ATF7IP: variants seen among roughly 807,000 people sequenced by gnomAD.
ATF7IP encodes activating transcription factor 7 interacting protein.
ATF7IP carries 23 observed loss-of-function variants against 106.4 expected under a neutral mutation model. The ratio of observed to expected loss-of-function variants is 0.22; its 90% confidence interval spans 0.16 to 0.31. The LOEUF (loss-of-function observed/expected upper bound fraction) is 0.31, where lower values mean the gene tolerates loss of function less well. Among genes scored for constraint, ATF7IP ranks in the 10% least tolerant of loss-of-function variants. The pLI, the probability that ATF7IP is intolerant of heterozygous loss-of-function variation, is 1.00. For synonymous variants in ATF7IP, 542 were observed against 539.0 expected (o/e 1.01, Z -0.08); for missense variants, 1,334 against 1,524.3 (o/e 0.88, Z 2.08).
At chr12:14,401,016 A>C (rs1013782530) in intron 1 of ATF7IP, among the ~76,000 whole-genome samples, 1 of 151,964 alleles carries the variant, frequency 6.6e-6, no homozygotes, top group Non-Finnish European at 1.5e-5. Context: ...TACTAATCCT[A>C]TATCACTATG....
At chr12:14,476,027 C>T (rs752481076) in intron 11 of ATF7IP, 59 bp downstream of exon 11, 39 of 1,209,654 alleles carry the variant, frequency 3.2e-5, no homozygotes, top group African/African-American at 1.3e-4. Context: ...TGTCTTAATA[C>T]GGTACAGTAT....
At chr12:14,407,879 T>C (rs1423924981) in intron 1 of ATF7IP, among the ~76,000 whole-genome samples, 2 of 152,124 alleles carry the variant, frequency 1.3e-5, no homozygotes, top group Non-Finnish European at 2.9e-5. Flanking sequence ...TCCTACCTTA[T>C]TTTGAAGTCT....
Position 14,438,162 on chromosome 12 carries a change from T to C in ATF7IP, c.1824T>C (p.Cys608=), listed in dbSNP as rs765421547. 24 of 1,612,974 alleles carry C rather than the reference T, an allele frequency of 1.5e-5. No individual in the cohort carries two copies. The highest frequency in any genetic ancestry group is 2.5e-6 in the Non-Finnish European group (3 of 1,179,898). The change falls in exon 5 of 15, where the codon TGT becomes TGC. Residue 608 remains cysteine, a synonymous_variant. Transcript: ENST00000261168. The part of the protein sequence containing the change: ...VIQWLLEEKL[C]ALQCAVFDKT... Reference sequence around the variant, plus strand: ...AGTGGTTGCTGGAAGAAAAATTGTGTGCGCTGCAGTGTGCTGTATTTGATA... The same window carrying C: ...AGTGGTTGCTGGAAGAAAAATTGTGCGCGCTGCAGTGTGCTGTATTTGATA...
intron 9 of ATF7IP, among the ~76,000 whole-genome samples, chr12:14,465,405 TC>T (rs1224886208): frequency 6.6e-6 from 1 of 151,928 alleles, no homozygotes; most frequent in East Asian, 1.9e-4. Flanking sequence ...TTTGGTAATA[TC>T]ACCTAGTGTA....
At chr12:14,433,583 T>C (rs1304564800) in intron 2 of ATF7IP, among the ~76,000 whole-genome samples, 1 of 149,218 alleles carries the variant, frequency 6.7e-6, no homozygotes, top group Admixed American at 6.6e-5. Flanking sequence ...GGCAGGAGAA[T>C]CACTTGAACC....
chr12:14,441,702 G>T (rs1419285822), intron 5 of ATF7IP, among the ~76,000 whole-genome samples: 1 of 151,928 alleles, frequency 6.6e-6, no homozygotes, highest in Non-Finnish European at 1.5e-5. Flanking sequence ...TGTTAGCCAG[G>T]ATGGTCTCCA....
intron 10 of ATF7IP, among the ~76,000 whole-genome samples, chr12:14,469,998 A>G (rs1344490406): frequency 6.6e-6 from 1 of 152,062 alleles, no homozygotes; most frequent in Admixed American, 6.6e-5. Context: ...GGCATTGGAA[A>G]CTCAGGATCC....
intron 1 of ATF7IP, among the ~76,000 whole-genome samples, chr12:14,370,187 C>T (rs916854123): frequency 1.4e-4 from 22 of 152,118 alleles, no homozygotes; most frequent in African/African-American, 4.8e-4. Context: ...CCGTCTGCCT[C>T]GGCCTACCAA....
At chr12:14,370,401 ATG>A (rs1404107561) in intron 1 of ATF7IP, among the ~76,000 whole-genome samples, 1 of 152,148 alleles carries the variant, frequency 6.6e-6, no homozygotes, top group East Asian at 1.9e-4. Context: ...CAATTTAAAT[ATG>A]TGTTTGTAGT....
In ATF7IP at chr12:14,502,788, T is replaced by TTGTG. The variant is rs148327000; in HGVS notation, c.*4726_*4729dup. Reference sequence around the variant, plus strand: ...CTATTTTTATTAGGGTTTTGAAGGTTTGTGTGTGTGTGTGCGTGCGTGTGT... The same window carrying TTGTG: ...CTATTTTTATTAGGGTTTTGAAGGTTTGTGTGTGTGTGTGTGTGCGTGCGTGTGT... On this transcript the variant is annotated 3_prime_UTR_variant, in exon 15 of 15. Coordinates refer to ENST00000261168, the MANE Select transcript of ATF7IP (RefSeq NM_018179.5). The TTGTG allele has an allele frequency of 6.6e-6, 1 of 151,520 alleles. No homozygotes were observed. Among genetic ancestry groups the TTGTG allele is most frequent in the Non-Finnish European group, 1.5e-5 (1 of 67,778 alleles). The allele number at this position is 151,520 out of a possible 1,614,324, so 9.4% of individuals were successfully genotyped here.
rs995084949 is a variant in ATF7IP, at chr12:14,461,198, CT to C, written c.2797+74del. On this transcript the variant is annotated intron_variant, in intron 9 of 14. Transcript: ENST00000261168. ...TCTTAATAGCCTTGTAATGATTGAACTTTTTTTTTCTAAGTGGCTAGCGTTA... is the reference window on the plus strand; with the variant it reads ...TCTTAATAGCCTTGTAATGATTGAACTTTTTTTTCTAAGTGGCTAGCGTTA... The C allele has an allele frequency of 6.4e-5, 91 of 1,416,834 alleles. 1 individual carries two copies. The highest frequency in any genetic ancestry group is 3.9e-4 in the Middle Eastern group (2 of 5,108). 87.8% of individuals were successfully genotyped at this position (1,416,834 alleles called of 1,614,324 possible).
chr12:14,439,336 T>C lies in ATF7IP; in HGVS notation c.1929+1069T>C, dbSNP rs182189820. Reference sequence around the variant, plus strand: ...CATGGAAGTCAAATCACTTTTTCCGTTACGAATAAAATTTTAGCTAAATAG... The same window carrying C: ...CATGGAAGTCAAATCACTTTTTCCGCTACGAATAAAATTTTAGCTAAATAG... On this transcript the variant is annotated intron_variant, in intron 5 of 14. Coordinates refer to ENST00000261168, the MANE Select transcript of ATF7IP (RefSeq NM_018179.5). Among the ~76,000 whole-genome samples the C allele has an allele frequency of 3.3e-5, 5 of 152,332 alleles. No individual in the cohort carries two copies. In the East Asian group the frequency reaches 9.6e-4, roughly 29 times the overall value.
chr12:14,494,817 C>T (rs923230031), intron 13 of ATF7IP, among the ~76,000 whole-genome samples: 6 of 151,006 alleles, frequency 4.0e-5, no homozygotes, highest in African/African-American at 1.5e-4. Context: ...CCTGTAATCT[C>T]ACCTACTTGG....
chr12:14,384,942 T>A (rs371403577), intron 1 of ATF7IP: 2 of 155,702 alleles, frequency 1.3e-5, no homozygotes, highest in African/African-American at 4.8e-5. Context: ...ATGGAGGCTT[T>A]CTTTCAAGCG....
chr12:14,377,385 T>C (rs1234586291), intron 1 of ATF7IP, among the ~76,000 whole-genome samples: 1 of 151,326 alleles, frequency 6.6e-6, no homozygotes, highest in Non-Finnish European at 1.5e-5. Flanking sequence ...AGACGTTGTC[T>C]TGCTGTGTCG....
intron 1 of ATF7IP, among the ~76,000 whole-genome samples, chr12:14,402,608 A>AT (rs57777648): frequency 5.9e-4 from 66 of 112,276 alleles, no homozygotes; most frequent in African/African-American, 1.8e-3. Context: ...TGCCATTCTG[A>AT]TTTTTTTTTT....
intron 1 of ATF7IP, chr12:14,417,030 C>A: frequency 1.3e-6 from 1 of 761,842 alleles, no homozygotes; most frequent in Non-Finnish European, 1.6e-6. Context: ...ATTAAGAACA[C>A]CTAATAAGTA....
intron 1 of ATF7IP, among the ~76,000 whole-genome samples, chr12:14,421,931 C>T (rs1394890455): frequency 6.6e-6 from 1 of 151,992 alleles, no homozygotes; most frequent in Non-Finnish European, 1.5e-5. Context: ...TTTTAAGAAA[C>T]CTACTTCTAA....
intron 10 of ATF7IP, among the ~76,000 whole-genome samples, chr12:14,468,536 C>T (rs950127955): frequency 6.7e-5 from 10 of 148,420 alleles, no homozygotes; most frequent in Admixed American, 5.4e-4. Flanking sequence ...TTGACTTCAT[C>T]AGAAAGCAAA....
Sources: gnomAD v4.1 joint callset for allele counts (sites outside exome capture counted in the v4.1 genomes callset) on GRCh38, gnomAD v4.1.1 for gene constraint, MANE v1.5 for transcripts, NCBI Gene and HGNC (gene_info 2026-07-23, HGNC 2026-07-21) for gene names.